Variants in ALMS1 observed in about 807,000 individuals in gnomAD.
The protein encoded by ALMS1 is ALMS1 centrosome and basal body associated protein, also known as centrosome-associated protein ALMS1.
Under a neutral mutation model 352.2 loss-of-function variants are expected in ALMS1, and 271 were observed. The observed-to-expected ratio is 0.77, with a 90% confidence interval of 0.70 to 0.85. ALMS1 has a LOEUF of 0.85. Ranked by LOEUF, ALMS1 falls within the 40% of genes least tolerant of loss-of-function variation. ALMS1 has a pLI of 0.00. For missense variants in ALMS1, 5,445 were observed against 4,870.7 expected (o/e 1.12, Z -3.51); for synonymous variants, 1,865 against 1,761.2 (o/e 1.06, Z -1.48).
At chr2:73,485,384 C>CTCAGGGG (rs1243001192) in intron 9 of ALMS1, among the ~76,000 whole-genome samples, 1 of 152,200 alleles carries the variant, frequency 6.6e-6, no homozygotes, top group African/African-American at 2.4e-5. Context: ...TGTTAGGCTG[C>CTCAGGGG]TCAGGGGTCA....
intron 9 of ALMS1, chr2:73,459,292 T>A (rs1365163362): frequency 1.3e-5 from 2 of 152,230 alleles, no homozygotes; most frequent in Non-Finnish European, 2.9e-5. Context: ...TCAATACTTG[T>A]AATGTTAACT....
chr2:73,451,261 T>G lies in ALMS1; in HGVS notation c.4734T>G (p.Ile1578Met), dbSNP rs750360154. Residue 1578 changes from isoleucine to methionine, a missense_variant, in exon 8 of 23, where the codon ATT becomes ATG. Ile to Met is a conservative substitution (Grantham distance 10, BLOSUM62 1). Transcript: ENST00000613296. ...CCTACTCATTTGGAGAGAAGCCGAT[T>G]GTTAACTACAAACAGGCCTTTCCAG... ...STSYSFGEKP[I>M]VNYKQAFPDG... 1 of 1,613,496 alleles carries G rather than the reference T, an allele frequency of 6.2e-7. No individual in the cohort carries two copies. The highest frequency in any genetic ancestry group is 8.5e-7 in the Non-Finnish European group (1 of 1,179,852).
chr2:73,428,727 T>C (rs1001206121), intron 6 of ALMS1, among the ~76,000 whole-genome samples: 1 of 152,340 alleles, frequency 6.6e-6, no homozygotes, highest in East Asian at 1.9e-4. Context: ...CAGTTGTAGC[T>C]CTATCTGTCT....
intron 21 of ALMS1, among the ~76,000 whole-genome samples, chr2:73,607,999 TCC>T (rs1394498520): frequency 6.6e-6 from 1 of 152,086 alleles, no homozygotes; most frequent in Admixed American, 6.6e-5. Context: ...ACCTATAATT[TCC>T]TCTCTGGAGC....
chr2:73,579,060 A>ATTTT (rs1675113474), intron 16 of ALMS1, among the ~76,000 whole-genome samples: 5 of 79,512 alleles, frequency 6.3e-5, no homozygotes, highest in Admixed American at 1.1e-4. Flanking sequence ...TTTCTCCTTT[A>ATTTT]TTCTTTTTTT....
rs1379422812 is a variant in ALMS1, at chr2:73,603,198, G to A, written c.12299-43G>A. On this transcript the variant is annotated intron_variant, in intron 20 of 22. Coordinates refer to ENST00000613296, the MANE Select transcript of ALMS1 (RefSeq NM_001378454.1). ...CCAGCTCTTGCACCACACCCTCTGG[G>A]TTAAGTCACTGTCCACTGAAAACCC... is the stretch of plus-strand genomic sequence containing the variant. The A allele has an allele frequency of 3.1e-6, 5 of 1,600,546 alleles. No homozygotes were observed. The East Asian group carries it at 1.1e-4, about 36-fold the overall frequency.
intron 9 of ALMS1, among the ~76,000 whole-genome samples, chr2:73,477,530 T>C (rs1015236821): frequency 2.6e-5 from 4 of 152,064 alleles, no homozygotes; most frequent in African/African-American, 4.8e-5. Flanking sequence ...AAGAGTTGCA[T>C]TGAATCTCTA....
At chr2:73,546,384 G>A (rs995353827) in intron 12 of ALMS1, among the ~76,000 whole-genome samples, 2 of 152,102 alleles carry the variant, frequency 1.3e-5, no homozygotes, top group Admixed American at 1.3e-4. Flanking sequence ...ATGGGAAGCT[G>A]TCAGCTCACG....
At chr2:73,501,436 T>C (rs1673216712) in intron 10 of ALMS1, among the ~76,000 whole-genome samples, 1 of 152,160 alleles carries the variant, frequency 6.6e-6, no homozygotes, top group Non-Finnish European at 1.5e-5. Context: ...AGAAATGTTA[T>C]GGTCTTAACT....
chr2:73,389,228 G>T (rs996016255), intron 1 of ALMS1, among the ~76,000 whole-genome samples: 1 of 152,016 alleles, frequency 6.6e-6, no homozygotes, highest in Admixed American at 6.6e-5. Context: ...TTGGCCGCTC[G>T]TATGTCTTCT....
intron 18 of ALMS1, 132 bp downstream of exon 18, chr2:73,601,013 C>A: frequency 7.2e-7 from 1 of 1,393,824 alleles, no homozygotes; most frequent in Non-Finnish European, 9.8e-7. Context: ...GTCAGGTTTT[C>A]AGAGTCCAGC....
At chr2:73,485,632 C>G (rs1451898754) in intron 9 of ALMS1, among the ~76,000 whole-genome samples, 2 of 152,340 alleles carry the variant, frequency 1.3e-5, no homozygotes, top group Non-Finnish European at 2.9e-5. Context: ...GCTTTGTTTA[C>G]CTAAGCAAGC....
intron 1 of ALMS1, among the ~76,000 whole-genome samples, chr2:73,402,502 A>T (rs1375146005): frequency 1.3e-5 from 2 of 151,456 alleles, no homozygotes; most frequent in Non-Finnish European, 2.9e-5. Flanking sequence ...TCAAACTCCT[A>T]ACCTCAGTGA....
intron 15 of ALMS1, among the ~76,000 whole-genome samples, chr2:73,562,646 G>A (rs1237470212): frequency 6.6e-6 from 1 of 152,134 alleles, no homozygotes; most frequent in Non-Finnish European, 1.5e-5. Flanking sequence ...CCAGCACTTT[G>A]GGAGGCTGAG....
intron 10 of ALMS1, among the ~76,000 whole-genome samples, chr2:73,514,493 A>G (rs942711931): frequency 1.3e-5 from 2 of 152,098 alleles, no homozygotes; most frequent in African/African-American, 4.8e-5. Context: ...TCTGTTCTAC[A>G]TGTTCTGAAT....
chr2:73,547,567 T>C lies in ALMS1; in HGVS notation c.9908-2700T>C, dbSNP rs1403179088. Reference sequence around the variant, plus strand: ...AGTGCAGGAGCTCAGTCTAAAACAATGGACTCCCATAAATTTTATTTAACA... The same window carrying C: ...AGTGCAGGAGCTCAGTCTAAAACAACGGACTCCCATAAATTTTATTTAACA... On this transcript the variant is annotated intron_variant, in intron 12 of 22. Transcript: ENST00000613296. 3.3e-5 allele frequency among the ~76,000 whole-genome samples: 5 copies of C among 152,192 alleles called. No individual in the cohort carries two copies. The South Asian group carries it at 1.0e-3, about 32-fold the overall frequency.
chr2:73,417,187 A>G (rs1055568668), intron 2 of ALMS1, among the ~76,000 whole-genome samples: 2 of 152,212 alleles, frequency 1.3e-5, no homozygotes, highest in Admixed American at 6.5e-5. Context: ...TTCAAGAAAT[A>G]GAGAAAAAAT....
At chr2:73,410,368 G>A (rs1207909885) in intron 2 of ALMS1, among the ~76,000 whole-genome samples, 3 of 151,944 alleles carry the variant, frequency 2.0e-5, no homozygotes, top group Non-Finnish European at 2.9e-5. Context: ...CATCCTGGGC[G>A]ATGGAGCAAG....
intron 1 of ALMS1, among the ~76,000 whole-genome samples, chr2:73,387,308 G>T (rs1290607856): frequency 6.6e-6 from 1 of 152,232 alleles, no homozygotes; most frequent in Non-Finnish European, 1.5e-5. Context: ...CCTTCCTTGT[G>T]TTCATGGTCT....
Sources: allele counts gnomAD v4.1 joint callset (sites outside exome capture counted in the v4.1 genomes callset), GRCh38; gene constraint gnomAD v4.1.1; transcripts MANE v1.5; gene names NCBI Gene and HGNC (gene_info 2026-07-23, HGNC 2026-07-21).